TIMM9: variants seen among roughly 807,000 people sequenced by gnomAD.
TIMM9 encodes mitochondrial import inner membrane translocase subunit Tim9.
Under a neutral mutation model 13.4 loss-of-function variants are expected in TIMM9, and 10 were observed. That is an observed-to-expected ratio of 0.75 (90% CI 0.46 to 1.26). TIMM9 has a LOEUF of 1.26. Among genes scored for constraint, TIMM9 ranks in the 50% most tolerant of loss-of-function variants. The pLI is 0.00. For missense variants in TIMM9, 87 were observed against 100.8 expected, an observed-to-expected ratio of 0.86 and a Z score of 0.58; for synonymous variants, 32 against 32.1, an observed-to-expected ratio of 1.00 and a Z score of 0.01.
intron 2 of TIMM9, among the ~76,000 whole-genome samples, chr14:58,426,406 C>T (rs1387457328): frequency 1.3e-5 from 2 of 151,830 alleles, no homozygotes; most frequent in Non-Finnish European, 2.9e-5. Context: ...GGGGTTTCAC[C>T]TTGCTGGCCA....
In TIMM9 at chr14:58,411,968, T is replaced by A. The variant is rs755077145; in HGVS notation, c.-23A>T. The A allele has an allele frequency of 6.2e-7, 1 of 1,610,998 alleles. No individual in the cohort carries two copies. Among genetic ancestry groups the A allele is most frequent in the East Asian group, 2.2e-5 (1 of 44,856 alleles). ...CATATTCTTCTGGTACCTTTATTAG[T>A]CACCTAATTTAAAAATTCAAAACAA... On this transcript the variant is annotated 5_prime_UTR_variant, in exon 4 of 6. It removes the in-frame stop codon of an upstream open reading frame in the 5' UTR. Transcript: ENST00000395159.
chr14:58,409,331 C>T (rs2036134116), intron 5 of TIMM9, among the ~76,000 whole-genome samples, 163 bp from the exon 6 acceptor site: 1 of 152,138 alleles, frequency 6.6e-6, no homozygotes, highest in Non-Finnish European at 1.5e-5. Flanking sequence ...TTAATTGATA[C>T]TTTCATTCAC....
At chr14:58,426,618 CTAAAGCCTCCAG>C (rs779217665) in intron 2 of TIMM9, among the ~76,000 whole-genome samples, 2 of 152,174 alleles carry the variant, frequency 1.3e-5, no homozygotes, top group African/African-American at 2.4e-5. Context: ...TTTGATTATT[CTAAAGCCTCCAG>C]TAAGGCGTAA....
chr14:58,422,030 T>A (rs1373882517), intron 3 of TIMM9, among the ~76,000 whole-genome samples: 4 of 148,638 alleles, frequency 2.7e-5, no homozygotes, highest in Non-Finnish European at 6.0e-5. Flanking sequence ...TTTTTTTTTT[T>A]AATTCCATCC....
At chr14:58,419,259 A>G (rs2036509626) in intron 3 of TIMM9, among the ~76,000 whole-genome samples, 1 of 151,784 alleles carries the variant, frequency 6.6e-6, no homozygotes. Flanking sequence ...TTCAAGAACA[A>G]CCTGGGCAAC....
At chr14:58,411,420 C>G (rs1250727374) in intron 4 of TIMM9, among the ~76,000 whole-genome samples, 1 of 151,662 alleles carries the variant, frequency 6.6e-6, no homozygotes, top group East Asian at 1.9e-4. Context: ...TGCACTCCAG[C>G]CTGGCCGACA....
intron 3 of TIMM9, among the ~76,000 whole-genome samples, chr14:58,415,405 T>C (rs1468603405): frequency 6.6e-6 from 1 of 152,174 alleles, no homozygotes; most frequent in Admixed American, 6.5e-5. Context: ...TAATATGTGT[T>C]AGGATTATCT....
At chr14:58,426,071 C>T (rs527848877) in intron 2 of TIMM9, among the ~76,000 whole-genome samples, 2 of 151,340 alleles carry the variant, frequency 1.3e-5, no homozygotes, top group South Asian at 2.1e-4. Context: ...GAGCCAAGAT[C>T]GCGCCACTGC....
chr14:58,408,771 A>C lies in TIMM9; in HGVS notation c.*263T>G, dbSNP rs2036113764. 4.3e-6 allele frequency: 3 copies of C among 705,326 alleles called. No homozygotes were observed. Among genetic ancestry groups the C allele is most frequent in the Non-Finnish European group, 6.8e-6 (3 of 442,800 alleles). The allele number at this position is 705,326 out of a possible 1,614,324, so 43.7% of individuals were successfully genotyped here. On this transcript the variant is annotated 3_prime_UTR_variant, in exon 6 of 6. Coordinates refer to ENST00000395159, the MANE Select transcript of TIMM9 (RefSeq NM_012460.4). ...TGAAGAAACAATGGTTTATTTTTCT[A>C]ATCAAGTGACCAAGCTGCTGAATCA... is the stretch of plus-strand genomic sequence containing the variant.
At chr14:58,411,562 T>TGG (rs2036217194) in intron 4 of TIMM9, among the ~76,000 whole-genome samples, 1 of 151,782 alleles carries the variant, frequency 6.6e-6, no homozygotes, top group Non-Finnish European at 1.5e-5. Context: ...TTTTTTGAGA[T>TGG]GGAGTCTTGC....
Position 58,412,033 on chromosome 14 carries a change from A to G in TIMM9, c.-26-62T>C, listed in dbSNP as rs1334866377. 5 of 1,215,886 alleles carry G rather than the reference A, an allele frequency of 4.1e-6. No homozygotes were observed. The African/African-American group carries it at 6.0e-5, about 15-fold the overall frequency. 75.3% of individuals were successfully genotyped at this position (1,215,886 alleles called of 1,614,324 possible). A position where few individuals can be genotyped will look rare whatever the true frequency, so the allele number is the denominator to read the frequency against. On this transcript the variant is annotated intron_variant, in intron 3 of 5. Coordinates refer to ENST00000395159, the MANE Select transcript of TIMM9 (RefSeq NM_012460.4). Reference sequence around the variant, plus strand: ...AAACAAATGTTTTTAGTCTAACTGAAGAGTTAGGGAATCACTGCTCGTATT... The same window carrying G: ...AAACAAATGTTTTTAGTCTAACTGAGGAGTTAGGGAATCACTGCTCGTATT...
chr14:58,425,032 A>G (rs2036692210), intron 2 of TIMM9, among the ~76,000 whole-genome samples: 1 of 152,232 alleles, frequency 6.6e-6, no homozygotes, highest in East Asian at 1.9e-4. Flanking sequence ...AAAATCTACA[A>G]CATGGAACAA....
At chr14:58,413,634 A>G (rs2036291099) in intron 3 of TIMM9, among the ~76,000 whole-genome samples, 1 of 152,228 alleles carries the variant, frequency 6.6e-6, no homozygotes, top group Non-Finnish European at 1.5e-5. Flanking sequence ...GTTAATCTAG[A>G]TATAAGAATG....
intron 3 of TIMM9, among the ~76,000 whole-genome samples, chr14:58,420,969 G>A (rs1307810242): frequency 6.6e-6 from 1 of 152,102 alleles, no homozygotes; most frequent in Non-Finnish European, 1.5e-5. Context: ...TTCTAAAGAA[G>A]TTATACATTC....
At chr14:58,411,230 C>G (rs2036204755) in intron 4 of TIMM9, among the ~76,000 whole-genome samples, 1 of 151,842 alleles carries the variant, frequency 6.6e-6, no homozygotes. Context: ...GGCGGATTAC[C>G]TGAGGTCAGG....
chr14:58,426,039 C>T (rs1219687395), intron 2 of TIMM9, among the ~76,000 whole-genome samples: 2 of 151,278 alleles, frequency 1.3e-5, no homozygotes, highest in Non-Finnish European at 2.9e-5. Flanking sequence ...ATCGCTTGAA[C>T]CTGGGAGGCG....
intron 3 of TIMM9, among the ~76,000 whole-genome samples, chr14:58,413,046 C>G (rs1474103186): frequency 1.3e-5 from 2 of 152,102 alleles, no homozygotes; most frequent in Non-Finnish European, 2.9e-5. Context: ...TCGAATACAT[C>G]AAAAATATCA....
At chr14:58,420,594 A>G (rs1257928778) in intron 3 of TIMM9, among the ~76,000 whole-genome samples, 1 of 152,068 alleles carries the variant, frequency 6.6e-6, no homozygotes, top group Admixed American at 6.6e-5. Flanking sequence ...GGAGTTTGAG[A>G]CTAGCCTGGC....
At chr14:58,412,227 C>A in intron 3 of TIMM9, 1 of 331,376 alleles carries the variant, frequency 3.0e-6, no homozygotes, top group Non-Finnish European at 5.7e-6. Flanking sequence ...ACTGCAACCT[C>A]TGCCTCCGGG....
Sources: gnomAD v4.1 joint callset for allele counts (sites outside exome capture counted in the v4.1 genomes callset) on GRCh38, gnomAD v4.1.1 for gene constraint, MANE v1.5 for transcripts, NCBI Gene and HGNC (gene_info 2026-07-23, HGNC 2026-07-21) for gene names.